Variants in MYO5C observed in about 807,000 individuals in gnomAD.
MYO5C encodes the protein unconventional myosin-Vc.
In MYO5C, 194 loss-of-function variants were observed where a neutral mutation model predicts 235.7. The ratio of observed to expected loss-of-function variants is 0.82; its 90% confidence interval spans 0.73 to 0.93. The LOEUF is 0.93. Ranked by LOEUF, MYO5C falls within the 40% of genes least tolerant of loss-of-function variation. The pLI is 0.00. For missense variants in MYO5C, 2,038 were observed against 2,127.2 expected (o/e 0.96, Z 0.82); for synonymous variants, 707 against 754.8 (o/e 0.94, Z 1.04).
chr15:52,224,958 T>A lies in MYO5C; in HGVS notation c.3389A>T (p.His1130Leu), dbSNP rs1468828964. 1.4e-5 allele frequency: 22 copies of A among 1,614,074 alleles called. No homozygotes were observed. The highest frequency in any genetic ancestry group is 1.9e-5 in the Non-Finnish European group (22 of 1,179,976). ...RSRLSVEDLEHLNEDGELWFA... is the reference protein window; with the variant it reads ...RSRLSVEDLELLNEDGELWFA... Reference sequence around the variant, plus strand: ...CCAAAGTTCTCCATCCTCATTTAAATGTTCCAGATCTTCCACAGAGAGCCT... The same window carrying A: ...CCAAAGTTCTCCATCCTCATTTAAAAGTTCCAGATCTTCCACAGAGAGCCT... Residue 1130 changes from histidine (H) to leucine (L), a missense_variant, in exon 28 of 41, where the codon CAT (histidine) becomes CTT (leucine). Coordinates refer to ENST00000261839, the MANE Select transcript of MYO5C (RefSeq NM_018728.4).
At chr15:52,268,852 C>T (rs1434200096) in intron 8 of MYO5C, among the ~76,000 whole-genome samples, 3 of 152,214 alleles carry the variant, frequency 2.0e-5, no homozygotes, top group Admixed American at 6.5e-5. Context: ...CTTGAAGACC[C>T]TGGAGTGCAA....
At chr15:52,293,596 A>T (rs2140878624) in intron 1 of MYO5C, among the ~76,000 whole-genome samples, 1 of 151,666 alleles carries the variant, frequency 6.6e-6, no homozygotes, top group Middle Eastern at 3.4e-3. Flanking sequence ...TCTCATACAG[A>T]CTCTAACCTC....
chr15:52,210,118 C>T (rs192233580), intron 35 of MYO5C, among the ~76,000 whole-genome samples: 8 of 152,168 alleles, frequency 5.3e-5, no homozygotes, highest in East Asian at 3.9e-4. Flanking sequence ...CACACACCAC[C>T]GCACCTGGCC....
At chr15:52,267,630 G>A (rs1298185572) in intron 8 of MYO5C, among the ~76,000 whole-genome samples, 1 of 152,154 alleles carries the variant, frequency 6.6e-6, no homozygotes, top group Non-Finnish European at 1.5e-5. Flanking sequence ...AGGTTGCAGT[G>A]AGCCGAGACT....
At chr15:52,237,745 G>T in intron 21 of MYO5C, 99 bp from the exon 22 acceptor site, 1 of 1,226,016 alleles carries the variant, frequency 8.2e-7, no homozygotes, top group African/African-American at 1.5e-5. Context: ...AAATTTGAGA[G>T]GTTGCTTTAT....
intron 25 of MYO5C, among the ~76,000 whole-genome samples, chr15:52,226,501 C>A (rs1364413664): frequency 6.6e-6 from 1 of 152,144 alleles, no homozygotes. Context: ...TTTTCAGTTA[C>A]CCTGAGTATT....
Position 52,264,221 on chromosome 15 carries a change from G to C in MYO5C, c.1016C>G (p.Thr339Ser). The stretch of plus-strand genomic sequence containing the variant: ...TGAGGACCTCTCGTTGCCCACCGCG[G>C]TGATCTGCACATTGCCCAGATGTAG... ...AILHLGNVQITAVGNERSSVS... is the reference protein window; with the variant it reads ...AILHLGNVQISAVGNERSSVS... The change falls in exon 9 of 41, where the codon ACC (threonine) becomes AGC (serine). Residue 339 changes from threonine (T) to serine (S), a missense_variant. Thr to Ser is a moderately conservative substitution (Grantham distance 58). Coordinates refer to ENST00000261839, the MANE Select transcript of MYO5C (RefSeq NM_018728.4). 6.2e-7 allele frequency: 1 copy of C among 1,613,886 alleles called. No homozygotes were observed. The highest frequency in any genetic ancestry group is 8.5e-7 in the Non-Finnish European group (1 of 1,179,776).
chr15:52,214,740 ATTT>A (rs34638854), intron 32 of MYO5C, 50 bp from the exon 33 acceptor site: 305 of 980,518 alleles, frequency 3.1e-4, no homozygotes, highest in Middle Eastern at 5.9e-4. Context: ...ACTTTAATCT[ATTT>A]TTTTTTTTTT....
At chr15:52,211,928 C>T (rs374507062) in intron 34 of MYO5C, 44 bp from the exon 35 acceptor site, 9 of 1,594,710 alleles carry the variant, frequency 5.6e-6, no homozygotes, top group Non-Finnish European at 6.8e-6. Flanking sequence ...GACAGGTCAG[C>T]TCTTCTCCTA....
At chr15:52,275,418 A>T in intron 5 of MYO5C, 144 bp downstream of exon 5, 1 of 961,016 alleles carries the variant, frequency 1.0e-6, no homozygotes, top group Non-Finnish European at 1.5e-6. Context: ...AAATCCCACC[A>T]GCAAATAGGC....
Position 52,269,848 on chromosome 15 carries a change from T to G in MYO5C, c.845A>C (p.Glu282Ala), listed in dbSNP as rs1478424760. Reference sequence around the variant, plus strand: ...GCCTCCCATTCTTGTATAATTAAATTCTTCGGCACTCCCTGAAATCAAAAA... The same window carrying G: ...GCCTCCCATTCTTGTATAATTAAATGCTTCGGCACTCCCTGAAATCAAAAA... ...FKHLKLGSAE[E>A]FNYTRMGGNT... The change falls in exon 8 of 41, where the codon GAA (glutamate) becomes GCA (alanine). Residue 282 changes from glutamate to alanine, a missense_variant. Glu to Ala is a moderately radical substitution (Grantham distance 107). Coordinates refer to ENST00000261839, the MANE Select transcript of MYO5C (RefSeq NM_018728.4). The G allele has an allele frequency of 1.9e-6, 3 of 1,610,464 alleles. No individual in the cohort carries two copies. Among genetic ancestry groups the G allele is most frequent in the Admixed American group, 3.3e-5 (2 of 59,914 alleles).
At chr15:52,287,326 A>C (rs545570762) in intron 1 of MYO5C, among the ~76,000 whole-genome samples, 1 of 152,292 alleles carries the variant, frequency 6.6e-6, no homozygotes, top group South Asian at 2.1e-4. Flanking sequence ...TCAGGCACAC[A>C]CACCCACACC....
rs180770285 is a variant in MYO5C at position 52,247,675 on chromosome 15, C to A, written c.1747-83G>T. 2.4e-4 allele frequency: 359 copies of A among 1,491,514 alleles called. No homozygotes were observed. The African/African-American group carries it at 4.5e-3, about 19-fold the overall frequency. 92.4% of individuals were successfully genotyped at this position (1,491,514 alleles called of 1,614,324 possible). On this transcript the variant is annotated intron_variant, in intron 14 of 40. Coordinates refer to ENST00000261839, the MANE Select transcript of MYO5C (RefSeq NM_018728.4). ...ATACAAGCCACGTAAATGGTGACAACAACTCAGCTAAACTAGTGGGCGGTG... is the reference window on the plus strand; with the variant it reads ...ATACAAGCCACGTAAATGGTGACAAAAACTCAGCTAAACTAGTGGGCGGTG...
chr15:52,253,493 A>T, intron 11 of MYO5C, 36 bp from the exon 12 acceptor site: 1 of 1,583,444 alleles, frequency 6.3e-7, no homozygotes, highest in Non-Finnish European at 8.6e-7. Flanking sequence ...AGTAAAACAG[A>T]ATATTAAAAT....
intron 1 of MYO5C, among the ~76,000 whole-genome samples, chr15:52,285,107 C>T (rs2037232776): frequency 6.6e-6 from 1 of 152,162 alleles, no homozygotes; most frequent in South Asian, 2.1e-4. Context: ...GTGGCTCACA[C>T]CTGTAATCCC....
At position 52,193,945 on chromosome 15, in the gene MYO5C, T is replaced by G. The variant is rs1346282658; in HGVS notation, c.5186A>C (p.Gln1729Pro). Reference protein sequence around the residue: ...TPSPHALEMIQIPSSFKLGFL... With the variant: ...TPSPHALEMIPIPSSFKLGFL... ...GCCTAGCTTGAAACTGCTGGGGATC[T>G]GAATCATTTCCAGAGCATGTGGAGA... is the stretch of plus-strand genomic sequence containing the variant. Residue 1729 changes from glutamine (Q) to proline (P), a missense_variant, in exon 41 of 41, where the codon CAG (glutamine) becomes CCG (proline). Gln to Pro is a moderately conservative substitution (Grantham distance 76). Transcript: ENST00000261839. 1 of 1,613,456 alleles carries G rather than the reference T, an allele frequency of 6.2e-7. No homozygotes were observed. Among genetic ancestry groups the G allele is most frequent in the Non-Finnish European group, 8.5e-7 (1 of 1,179,790 alleles).
Position 52,260,842 on chromosome 15 carries a change from C to T in MYO5C, c.1313+20G>A. On this transcript the variant is annotated intron_variant, in intron 10 of 40. Transcript: ENST00000261839. ...CAACATTTAAAGGAGGAAAGACAGG[C>T]TCACTGAAGAGAATCTTACCCATAA... is the stretch of plus-strand genomic sequence containing the variant. 1.2e-6 allele frequency: 2 copies of T among 1,611,368 alleles called. No homozygotes were observed. The highest frequency in any genetic ancestry group is 1.7e-4 in the Middle Eastern group (1 of 6,054).
At chr15:52,268,236 G>T (rs542918748) in intron 8 of MYO5C, among the ~76,000 whole-genome samples, 2 of 152,264 alleles carry the variant, frequency 1.3e-5, no homozygotes, top group Admixed American at 1.3e-4. Context: ...GTATGAATCG[G>T]CGGGACATTT....
intron 15 of MYO5C, among the ~76,000 whole-genome samples, 188 bp from the exon 16 acceptor site, chr15:52,247,202 AAC>A (rs1268894480): frequency 1.3e-5 from 2 of 152,242 alleles, no homozygotes; most frequent in Non-Finnish European, 2.9e-5. Context: ...TTGTGGACAG[AAC>A]ACTAATACTC....
Sources: gnomAD v4.1 joint callset for allele counts (sites outside exome capture counted in the v4.1 genomes callset) on GRCh38, gnomAD v4.1.1 for gene constraint, MANE v1.5 for transcripts, NCBI Gene and HGNC (gene_info 2026-07-23, HGNC 2026-07-21) for gene names.